Variants in TRAF2 observed in about 807,000 individuals in gnomAD.
The protein encoded by TRAF2 is TNF receptor associated factor 2.
A neutral mutation model predicts 55.6 loss-of-function variants in TRAF2; 6 were observed. That is an observed-to-expected ratio of 0.11 (90% CI 0.06 to 0.21). The LOEUF (loss-of-function observed/expected upper bound fraction) is 0.21, where lower values mean the gene tolerates loss of function less well. Among genes scored for constraint, TRAF2 ranks in the 10% least tolerant of loss-of-function variants. The probability of loss-of-function intolerance (pLI) is 1.00; values close to 1 mark genes in which losing one functional copy is unlikely to be tolerated. For missense variants in TRAF2, 561 were observed against 684.5 expected (o/e 0.82, Z 2.01); for synonymous variants, 329 against 276.3 (o/e 1.19, Z -1.89).
upstream of TRAF2, chr9:136,882,579 G>A: frequency 1.3e-6 from 1 of 792,520 alleles, no homozygotes; most frequent in East Asian, 1.3e-4. Context: ...GAGGGTGCTG[G>A]GGCTTCTCCT....
intron 6 of TRAF2, 92 bp downstream of exon 6, chr9:136,910,086 C>A: frequency 2.2e-6 from 3 of 1,338,134 alleles, no homozygotes; most frequent in East Asian, 2.5e-5. Context: ...CAGGTTATGA[C>A]CCTTGTGCCC....
intron 2 of TRAF2, among the ~76,000 whole-genome samples, chr9:136,899,228 C>G (rs1849758340): frequency 6.6e-6 from 1 of 152,160 alleles, no homozygotes; most frequent in Non-Finnish European, 1.5e-5. Flanking sequence ...ACCTACTGCT[C>G]ACTTTTTGGC....
chr9:136,921,326 C>G, intron 9 of TRAF2, 111 bp downstream of exon 9: 2 of 1,356,256 alleles, frequency 1.5e-6, no homozygotes, highest in Admixed American at 1.9e-5. Flanking sequence ...TGGGATACGA[C>G]CCCCAGTGAT....
intron 8 of TRAF2, 113 bp from the exon 9 acceptor site, chr9:136,920,925 G>A: frequency 7.7e-7 from 1 of 1,300,172 alleles, no homozygotes; most frequent in Non-Finnish European, 1.1e-6. Flanking sequence ...GAGAAACATG[G>A]AGCCCAGGGG....
rs567308622 is a variant in TRAF2 at position 136,905,987 on chromosome 9, C to G, written c.367-2083C>G. Among the ~76,000 whole-genome samples the G allele has an allele frequency of 2.1e-4, 32 of 152,240 alleles. No homozygotes were observed. In the South Asian group the frequency reaches 2.3e-3, roughly 11 times the overall value. On this transcript the variant is annotated intron_variant, in intron 4 of 10. Coordinates refer to ENST00000247668, the MANE Select transcript of TRAF2 (RefSeq NM_021138.4). Reference sequence around the variant, plus strand: ...GGGTGTGGTGGCGGGCGCCCGTAGTCCCAGCTACTCAGGAGGCTGAGGCAG... The same window carrying G: ...GGGTGTGGTGGCGGGCGCCCGTAGTGCCAGCTACTCAGGAGGCTGAGGCAG...
intron 1 of TRAF2, among the ~76,000 whole-genome samples, chr9:136,898,369 G>A (rs929396790): frequency 1.7e-4 from 26 of 152,356 alleles, no homozygotes; most frequent in South Asian, 6.2e-4. Context: ...CTGACCATTA[G>A]TGTTAACAGG....
upstream of TRAF2, chr9:136,886,475 C>T: frequency 2.0e-6 from 2 of 1,004,262 alleles, no homozygotes; most frequent in Non-Finnish European, 2.4e-6. Flanking sequence ...GGAGCGGCGG[C>T]GGCGGCGGCG....
chr9:136,895,007 T>G (rs549353064), intron 1 of TRAF2, among the ~76,000 whole-genome samples: 1 of 152,208 alleles, frequency 6.6e-6, no homozygotes, highest in South Asian at 2.1e-4. Flanking sequence ...AATGAAAGCC[T>G]CCTGGGTTTG....
Position 136,900,573 on chromosome 9 carries a change from G to A in TRAF2, c.366+53G>A, listed in dbSNP as rs145260523. On this transcript the variant is annotated intron_variant, in intron 4 of 10. Transcript: ENST00000247668. ...ACAGAAGCTCCAGCAGTCGGGAGTC[G>A]TCCACGCTCCCCAAGCAGTTATGAC... The A allele has an allele frequency of 3.4e-4, 492 of 1,444,570 alleles. 2 individuals are homozygous for A. Among genetic ancestry groups the A allele is most frequent in the East Asian group, 2.0e-3 (87 of 43,786 alleles). The allele number at this position is 1,444,570 out of a possible 1,614,324, so 89.5% of individuals were successfully genotyped here.
intron 1 of TRAF2, among the ~76,000 whole-genome samples, chr9:136,896,704 G>T (rs895864869): frequency 2.0e-5 from 3 of 152,042 alleles, no homozygotes; most frequent in Non-Finnish European, 1.5e-5. Context: ...ACAGTGGCGC[G>T]ATCTTGGCTC....
At chr9:136,908,330 C>G (rs1825457563) in intron 5 of TRAF2, 99 bp downstream of exon 5, 1 of 1,305,136 alleles carries the variant, frequency 7.7e-7, no homozygotes, top group African/African-American at 1.5e-5. Flanking sequence ...CCCCTTTGCA[C>G]TCGTTCCACC....
intron 1 of TRAF2, among the ~76,000 whole-genome samples, chr9:136,896,091 G>GC (rs574272759): frequency 1.4e-3 from 216 of 151,974 alleles, no homozygotes; most frequent in Non-Finnish European, 2.3e-3. Context: ...CTAGGAGTGA[G>GC]CCCCCCCACC....
intron 6 of TRAF2, among the ~76,000 whole-genome samples, chr9:136,913,713 T>C (rs571938370): frequency 6.6e-6 from 1 of 152,322 alleles, no homozygotes; most frequent in East Asian, 1.9e-4. Flanking sequence ...TTTTAAAGAT[T>C]TGCTTTTGTT....
chr9:136,920,476 C>G lies in TRAF2; in HGVS notation c.921C>G (p.His307Gln). 1 of 1,613,386 alleles carries G rather than the reference C, an allele frequency of 6.2e-7. No homozygotes were observed. Among genetic ancestry groups the G allele is most frequent in the Non-Finnish European group, 8.5e-7 (1 of 1,179,830 alleles). ...AMTAEACSRQ[H>Q]RLDQDKIEAL... ...CTGCCGAGGCCTGCAGCCGGCAGCACCGGCTGGACCAAGACAAGATTGAAG... is the reference window on the plus strand; with the variant it reads ...CTGCCGAGGCCTGCAGCCGGCAGCAGCGGCTGGACCAAGACAAGATTGAAG... The change falls in exon 8 of 11, where the codon CAC (histidine) becomes CAG (glutamine). Residue 307 changes from histidine to glutamine, a missense_variant. Coordinates refer to ENST00000247668, the MANE Select transcript of TRAF2 (RefSeq NM_021138.4).
At chr9:136,909,041 A>C (rs1162765935) in intron 5 of TRAF2, among the ~76,000 whole-genome samples, 79 of 13,010 alleles carry the variant, frequency 6.1e-3, no homozygotes, top group Non-Finnish European at 9.2e-3. Context: ...CTGTCTCAAA[A>C]AAAAAAAAAA....
At chr9:136,885,500 A>G (rs1849427874), upstream of TRAF2, among the ~76,000 whole-genome samples, 1 of 152,182 alleles carries the variant, frequency 6.6e-6, no homozygotes, top group Admixed American at 6.5e-5. Flanking sequence ...TTGGCCGCCA[A>G]GGCCACTGTT....
chr9:136,907,535 T>A (rs1212422294), intron 4 of TRAF2, among the ~76,000 whole-genome samples: 1 of 152,232 alleles, frequency 6.6e-6, no homozygotes, highest in Admixed American at 6.5e-5. Context: ...CCTCAGGCCT[T>A]TGCTGGCTTC....
chr9:136,885,851 G>A (rs1248050153), upstream of TRAF2, among the ~76,000 whole-genome samples: 4 of 152,232 alleles, frequency 2.6e-5, no homozygotes, highest in African/African-American at 9.6e-5. Context: ...TCCGGTTGCA[G>A]AGCATTACCT....
intron 6 of TRAF2, among the ~76,000 whole-genome samples, chr9:136,911,610 A>C (rs1850108438): frequency 6.6e-6 from 1 of 151,938 alleles, no homozygotes; most frequent in African/African-American, 2.4e-5. Flanking sequence ...CTTCAGACTG[A>C]GGGGCCTTTC....
Sources: gnomAD v4.1 joint callset for allele counts (sites outside exome capture counted in the v4.1 genomes callset) on GRCh38, gnomAD v4.1.1 for gene constraint, MANE v1.5 for transcripts, NCBI Gene and HGNC (gene_info 2026-07-23, HGNC 2026-07-21) for gene names.